The following GNA12 variants were observed in gnomAD, a reference collection of about 807,000 sequenced individuals.
The protein encoded by GNA12 is guanine nucleotide-binding protein subunit alpha-12.
In GNA12, 9 loss-of-function variants were observed where a neutral mutation model predicts 26.0. That is an observed-to-expected ratio of 0.35 (90% CI 0.21 to 0.60). The LOEUF is 0.60. GNA12 is among the 20% of genes least tolerant of loss of function. The pLI, the probability that GNA12 is intolerant of heterozygous loss-of-function variation, is 0.78. For synonymous variants in GNA12, 264 were observed against 219.6 expected, an observed-to-expected ratio of 1.20 and a Z score of -1.79; for missense variants, 405 against 525.8, an observed-to-expected ratio of 0.77 and a Z score of 2.25.
At chr7:2,826,333 C>T (rs751288638) in intron 1 of GNA12, among the ~76,000 whole-genome samples, 8 of 148,840 alleles carry the variant, frequency 5.4e-5, no homozygotes, top group African/African-American at 9.9e-5. Flanking sequence ...GCCGAGATCA[C>T]GCCACTGTAC....
chr7:2,757,553 C>T (rs567593613), intron 2 of GNA12, among the ~76,000 whole-genome samples: 33 of 152,276 alleles, frequency 2.2e-4, no homozygotes, highest in Non-Finnish European at 1.6e-4. Flanking sequence ...GATGGGAACG[C>T]GGCCAGGTGC....
chr7:2,781,817 T>C lies in GNA12; in HGVS notation c.525+13111A>G, dbSNP rs143835806. Among the ~76,000 whole-genome samples, 132 of 152,218 alleles carry C rather than the reference T, an allele frequency of 8.7e-4. 1 individual carries two copies. Among genetic ancestry groups the C allele is most frequent in the African/African-American group, 2.9e-3 (122 of 41,536 alleles). On this transcript the variant is annotated intron_variant, in intron 2 of 3. Coordinates refer to ENST00000275364, the MANE Select transcript of GNA12 (RefSeq NM_007353.3). ...ATTCTTCATCAATAACAACTACAACTTGACATCATTACTCCTCAAGGGAAC... is the reference window on the plus strand; with the variant it reads ...ATTCTTCATCAATAACAACTACAACCTGACATCATTACTCCTCAAGGGAAC...
At chr7:2,767,598 T>A (rs1169275111) in intron 2 of GNA12, among the ~76,000 whole-genome samples, 1 of 145,600 alleles carries the variant, frequency 6.9e-6, no homozygotes, top group Non-Finnish European at 1.5e-5. Flanking sequence ...AACAACTGTT[T>A]CCCTGTCTTC....
At chr7:2,764,196 C>T (rs865774515) in intron 2 of GNA12, among the ~76,000 whole-genome samples, 28 of 151,860 alleles carry the variant, frequency 1.8e-4, no homozygotes, top group South Asian at 1.0e-3. Context: ...CCTCAGCCTC[C>T]TGAGTAGCTG....
intron 1 of GNA12, among the ~76,000 whole-genome samples, chr7:2,823,445 C>T (rs1793414193): frequency 6.6e-6 from 1 of 152,134 alleles, no homozygotes; most frequent in Non-Finnish European, 1.5e-5. Flanking sequence ...GAACAGAGGG[C>T]ATAAGGAAGA....
At chr7:2,778,197 A>AT (rs1792127771) in intron 2 of GNA12, among the ~76,000 whole-genome samples, 1 of 152,206 alleles carries the variant, frequency 6.6e-6, no homozygotes, top group African/African-American at 2.4e-5. Context: ...TTTCGCCACA[A>AT]TTTTTTCAAA....
chr7:2,815,478 C>T (rs139745360), intron 1 of GNA12, among the ~76,000 whole-genome samples: 35 of 152,306 alleles, frequency 2.3e-4, no homozygotes, highest in African/African-American at 7.0e-4. Context: ...GCTATATTGG[C>T]GGCCCAGGCT....
At chr7:2,763,144 C>A in intron 2 of GNA12, 1 of 1,196,348 alleles carries the variant, frequency 8.4e-7, no homozygotes, top group Non-Finnish European at 1.0e-6. Context: ...AAGCATTTCT[C>A]GAATATTCTG....
chr7:2,808,245 T>C (rs879558206), intron 1 of GNA12, among the ~76,000 whole-genome samples: 1 of 152,198 alleles, frequency 6.6e-6, no homozygotes, highest in Non-Finnish European at 1.5e-5. Flanking sequence ...CCATCATGAG[T>C]AGTGCTACCC....
At chr7:2,786,336 G>A (rs1159427467) in intron 2 of GNA12, among the ~76,000 whole-genome samples, 1 of 152,014 alleles carries the variant, frequency 6.6e-6, no homozygotes, top group African/African-American at 2.4e-5. Context: ...AAAAGAAAAG[G>A]GAGTTGGAAA....
intron 1 of GNA12, among the ~76,000 whole-genome samples, chr7:2,814,051 A>G (rs1216191654): frequency 1.3e-5 from 2 of 151,958 alleles, no homozygotes; most frequent in African/African-American, 4.8e-5. Flanking sequence ...TTGCCCTGGG[A>G]CTGGATGTCC....
Position 2,811,332 on chromosome 7 carries a change from C to G in GNA12, c.310-16189G>C, listed in dbSNP as rs947208954. Among the ~76,000 whole-genome samples, 16 of 152,150 alleles carry G rather than the reference C, an allele frequency of 1.1e-4. 1 individual carries two copies. Among genetic ancestry groups the G allele is most frequent in the Non-Finnish European group, 2.2e-4 (15 of 68,030 alleles). ...AGCGACTGTGCTGCAAGCGGGGTGACCTGGCTGATGACACCGCGGCTCACA... is the reference window on the plus strand; with the variant it reads ...AGCGACTGTGCTGCAAGCGGGGTGAGCTGGCTGATGACACCGCGGCTCACA... On this transcript the variant is annotated intron_variant, in intron 1 of 3. Transcript: ENST00000275364.
chr7:2,822,245 C>G (rs907188875), intron 1 of GNA12, among the ~76,000 whole-genome samples: 26 of 152,226 alleles, frequency 1.7e-4, no homozygotes, highest in African/African-American at 6.3e-4. Context: ...CATACAGCGG[C>G]AGCGACTGGA....
chr7:2,774,210 T>G (rs1046103200), intron 2 of GNA12, among the ~76,000 whole-genome samples: 4 of 152,120 alleles, frequency 2.6e-5, no homozygotes, highest in Middle Eastern at 3.4e-3. Context: ...GAAAACTGAG[T>G]TAATATAGAT....
intron 2 of GNA12, among the ~76,000 whole-genome samples, chr7:2,772,326 C>G (rs1031226138): frequency 6.6e-6 from 1 of 152,162 alleles, no homozygotes; most frequent in African/African-American, 2.4e-5. Flanking sequence ...CTTGGGGAGG[C>G]AGAGGCAGGC....
intron 2 of GNA12, among the ~76,000 whole-genome samples, chr7:2,793,357 G>C (rs1197886196): frequency 6.8e-6 from 1 of 146,456 alleles, no homozygotes; most frequent in Non-Finnish European, 1.5e-5. Context: ...GGACAGGAGC[G>C]CAAGAGGAAA....
chr7:2,829,171 CA>C (rs1236048444), intron 1 of GNA12, among the ~76,000 whole-genome samples: 1 of 152,198 alleles, frequency 6.6e-6, no homozygotes, highest in Non-Finnish European at 1.5e-5. Flanking sequence ...GCTATTCGTA[CA>C]AAAGGCCCTT....
intron 2 of GNA12, among the ~76,000 whole-genome samples, chr7:2,744,790 A>G (rs898009221): frequency 6.6e-6 from 1 of 152,188 alleles, no homozygotes; most frequent in African/African-American, 2.4e-5. Context: ...AGACAAATGG[A>G]TAACTAGAAT....
At chr7:2,756,639 G>T (rs1056839547) in intron 2 of GNA12, among the ~76,000 whole-genome samples, 3 of 147,582 alleles carry the variant, frequency 2.0e-5, no homozygotes, top group African/African-American at 7.4e-5. Flanking sequence ...AAACATAGGA[G>T]AGGATCTGTG....
Sources: gnomAD v4.1 joint callset for allele counts (sites outside exome capture counted in the v4.1 genomes callset) on GRCh38, gnomAD v4.1.1 for gene constraint, MANE v1.5 for transcripts, NCBI Gene and HGNC (gene_info 2026-07-23, HGNC 2026-07-21) for gene names.